TXNDC8: variants seen among roughly 807,000 people sequenced by gnomAD.
The protein encoded by TXNDC8 is thioredoxin domain containing 8.
TXNDC8 carries 15 observed loss-of-function variants against 12.9 expected under a neutral mutation model. The ratio of observed to expected loss-of-function variants is 1.16; its 90% CI spans 0.78 to 1.79. TXNDC8 has a LOEUF of 1.79. Ranked by LOEUF, TXNDC8 falls within the 40% of genes most tolerant of loss-of-function variation. TXNDC8 has a pLI of 0.00. For synonymous variants in TXNDC8, 40 were observed against 35.4 expected (o/e 1.13, Z -0.46); for missense variants, 128 against 113.2 (o/e 1.13, Z -0.59).
chr9:110,330,492 C>G (rs1839507085), intron 2 of TXNDC8, among the ~76,000 whole-genome samples: 1 of 152,176 alleles, frequency 6.6e-6, no homozygotes, highest in African/African-American at 2.4e-5. Context: ...TTGCCACTTC[C>G]ATTGCACACT....
At chr9:110,311,520 GGTATATATATATATATATATATATAT>G (rs1357870745) in intron 3 of TXNDC8, among the ~76,000 whole-genome samples, 3 of 16,534 alleles carry the variant, frequency 1.8e-4, no homozygotes, top group Non-Finnish European at 3.7e-4. Flanking sequence ...AAAATAAAGA[GGTATATATATATATATATATATATAT>G]ATATATATAT....
chr9:110,317,702 T>C (rs1309994469), intron 3 of TXNDC8, among the ~76,000 whole-genome samples: 1 of 152,244 alleles, frequency 6.6e-6, no homozygotes, highest in Non-Finnish European at 1.5e-5. Context: ...TCTGTTGACA[T>C]AGATCCCAGC....
intron 2 of TXNDC8, among the ~76,000 whole-genome samples, chr9:110,328,641 T>C (rs1234342014): frequency 6.6e-6 from 1 of 152,160 alleles, no homozygotes; most frequent in Non-Finnish European, 1.5e-5. Flanking sequence ...ACCCTGTCTC[T>C]AATAAAAATA....
chr9:110,306,541 G>T (rs1397730813), intron 3 of TXNDC8, among the ~76,000 whole-genome samples: 1 of 152,060 alleles, frequency 6.6e-6, no homozygotes, highest in East Asian at 1.9e-4. Flanking sequence ...CCTCCCTGTT[G>T]CTCCTTGCCA....
intron 3 of TXNDC8, chr9:110,323,891 CA>C: frequency 6.4e-7 from 1 of 1,550,790 alleles, no homozygotes. Flanking sequence ...GCTGCTTAAG[CA>C]AAGTCCTGAA....
intron 2 of TXNDC8, among the ~76,000 whole-genome samples, chr9:110,326,981 G>T (rs968398700): frequency 4.5e-5 from 3 of 66,016 alleles, no homozygotes; most frequent in Non-Finnish European, 1.1e-4. Flanking sequence ...CACACGTGAA[G>T]ACATACTGTA....
chr9:110,305,984 G>A (rs373770732), intron 3 of TXNDC8, among the ~76,000 whole-genome samples: 12 of 151,644 alleles, frequency 7.9e-5, no homozygotes, highest in African/African-American at 2.2e-4. Context: ...TCTGCCTCCC[G>A]GCTTCAAGCG....
chr9:110,311,566 C>CTATA lies in TXNDC8; in HGVS notation c.196-7038_196-7035dup, dbSNP rs1358597134. On this transcript the variant is annotated intron_variant, in intron 3 of 4. Coordinates refer to ENST00000423740, the MANE Select transcript of TXNDC8 (RefSeq NM_001286946.2). ...ATATATATATATATATATCTCCATA[C>CTATA]TATATATATATGGATTACTATATTA... is the stretch of plus-strand genomic sequence containing the variant. Among the ~76,000 whole-genome samples, 577 of 75,316 alleles carry CTATA rather than the reference C, an allele frequency of 7.7e-3. 6 individuals carry two copies. Among genetic ancestry groups the CTATA allele is most frequent in the African/African-American group, 0.027 (545 of 20,272 alleles). 49.4% of individuals were successfully genotyped at this position (75,316 alleles called of 152,430 possible).
At chr9:110,326,638 A>G (rs572164111) in intron 2 of TXNDC8, among the ~76,000 whole-genome samples, 6 of 152,190 alleles carry the variant, frequency 3.9e-5, no homozygotes, top group African/African-American at 1.4e-4. Context: ...ACAAATCTTT[A>G]TAACTCTACT....
At chr9:110,324,351 T>C (rs1352233794) in intron 3 of TXNDC8, among the ~76,000 whole-genome samples, 1 of 152,190 alleles carries the variant, frequency 6.6e-6, no homozygotes, top group Non-Finnish European at 1.5e-5. Context: ...TGAGGGAATA[T>C]GTAGTGTTAT....
intron 3 of TXNDC8, among the ~76,000 whole-genome samples, chr9:110,318,892 G>A (rs1838986329): frequency 6.6e-6 from 1 of 152,166 alleles, no homozygotes; most frequent in African/African-American, 2.4e-5. Context: ...ATTTAATCCT[G>A]CACTTGTCAT....
Position 110,316,861 on chromosome 9 carries a change from C to T in TXNDC8, c.195+9314G>A, listed in dbSNP as rs142421026. On this transcript the variant is annotated intron_variant, in intron 3 of 4. Transcript: ENST00000423740. ...CTTTAGGCTTTGCAGGCCATTTGGT[C>T]TCTGTTGCAACTACTCAAATTTGCT... Among the ~76,000 whole-genome samples, 106 of 152,312 alleles carry T rather than the reference C, an allele frequency of 7.0e-4. 2 individuals carry two copies. The highest frequency in any genetic ancestry group is 6.8e-3 in the Middle Eastern group (2 of 294).
intron 3 of TXNDC8, chr9:110,323,920 T>C: frequency 3.2e-6 from 5 of 1,551,012 alleles, no homozygotes; most frequent in Non-Finnish European, 4.4e-6. Flanking sequence ...CTGGTTTGAC[T>C]TGGATTGGCT....
chr9:110,334,438 A>G (rs1839671692), intron 1 of TXNDC8, 118 bp from the exon 2 acceptor site: 5 of 784,276 alleles, frequency 6.4e-6, no homozygotes, highest in Non-Finnish European at 1.0e-5. Context: ...AAGCCAGGTT[A>G]TCACTATGCT....
At chr9:110,312,982 T>C (rs993135191) in intron 3 of TXNDC8, among the ~76,000 whole-genome samples, 3 of 152,222 alleles carry the variant, frequency 2.0e-5, no homozygotes, top group Non-Finnish European at 4.4e-5. Flanking sequence ...CTCAGTTCAC[T>C]GCAACCTCCG....
chr9:110,325,161 C>T (rs966203893), intron 3 of TXNDC8, among the ~76,000 whole-genome samples: 3 of 151,986 alleles, frequency 2.0e-5, no homozygotes, highest in Middle Eastern at 3.4e-3. Context: ...AGTTTCATAA[C>T]TTGCTGAATA....
downstream of TXNDC8, among the ~76,000 whole-genome samples, chr9:110,302,786 G>C (rs1307753189): frequency 2.6e-5 from 4 of 152,088 alleles, no homozygotes; most frequent in Non-Finnish European, 5.9e-5. Flanking sequence ...AATGATGGCT[G>C]GGCATGGTGG....
At chr9:110,317,027 C>T (rs1006327401) in intron 3 of TXNDC8, among the ~76,000 whole-genome samples, 2 of 152,204 alleles carry the variant, frequency 1.3e-5, no homozygotes, top group African/African-American at 4.8e-5. Flanking sequence ...GTGCCATCAA[C>T]TGAAGTTGTT....
intron 3 of TXNDC8, among the ~76,000 whole-genome samples, chr9:110,314,321 T>C (rs1838794707): frequency 6.6e-6 from 1 of 152,218 alleles, no homozygotes; most frequent in Admixed American, 6.5e-5. Context: ...AGCTGTGCTC[T>C]CACCACCTGG....
Sources: allele counts gnomAD v4.1 joint callset (sites outside exome capture counted in the v4.1 genomes callset), GRCh38; gene constraint gnomAD v4.1.1; transcripts MANE v1.5; gene names NCBI Gene and HGNC (gene_info 2026-07-23, HGNC 2026-07-21).